Variants in MARCHF1 observed in about 807,000 individuals in gnomAD.
MARCHF1 encodes the protein E3 ubiquitin-protein ligase MARCHF1.
In MARCHF1, 40 loss-of-function variants were observed where a neutral mutation model predicts 54.2. The observed-to-expected ratio is 0.74, with a 90% confidence interval of 0.57 to 0.96. MARCHF1 has a LOEUF of 0.96. Among genes scored for constraint, MARCHF1 ranks in the 40% least tolerant of loss-of-function variants. The pLI, the probability that MARCHF1 is intolerant of heterozygous loss-of-function variation, is 0.00. For synonymous variants in MARCHF1, 236 were observed against 236.3 expected (o/e 1.00, Z 0.01); for missense variants, 586 against 656.5 (o/e 0.89, Z 1.17).
intron 1 of MARCHF1, among the ~76,000 whole-genome samples, chr4:164,276,238 G>A (rs1733877207): frequency 6.6e-6 from 1 of 152,054 alleles, no homozygotes; most frequent in South Asian, 2.1e-4. Flanking sequence ...CCTCTCAGTG[G>A]CATTTAATGA....
intron 4 of MARCHF1, among the ~76,000 whole-genome samples, chr4:163,721,662 A>T (rs982942737): frequency 4.6e-5 from 7 of 151,910 alleles, no homozygotes; most frequent in African/African-American, 1.7e-4. Flanking sequence ...CTGGTCCTGG[A>T]CTTTCTTTGT....
At chr4:163,872,905 G>A (rs1256961997) in intron 3 of MARCHF1, among the ~76,000 whole-genome samples, 5 of 152,000 alleles carry the variant, frequency 3.3e-5, no homozygotes, top group African/African-American at 1.2e-4. Flanking sequence ...TTAGCCGGGC[G>A]TGGTGGCGGG....
At chr4:163,767,452 G>A (rs998038991) in intron 4 of MARCHF1, among the ~76,000 whole-genome samples, 1 of 151,780 alleles carries the variant, frequency 6.6e-6, no homozygotes, top group African/African-American at 2.4e-5. Flanking sequence ...TCCTGCCTCA[G>A]CCTCCCGAGT....
intron 2 of MARCHF1, among the ~76,000 whole-genome samples, chr4:164,109,536 TA>T (rs964256366): frequency 3.3e-5 from 5 of 151,926 alleles, no homozygotes; most frequent in Admixed American, 2.0e-4. Context: ...TCTATTTCCT[TA>T]ATTTTTTTTC....
chr4:164,281,735 T>C (rs1734031418), intron 1 of MARCHF1, among the ~76,000 whole-genome samples: 2 of 152,126 alleles, frequency 1.3e-5, no homozygotes, highest in African/African-American at 4.8e-5. Flanking sequence ...CAGGGTAATA[T>C]GAAGCAGTTG....
At chr4:164,282,245 C>T (rs1277492326) in intron 1 of MARCHF1, among the ~76,000 whole-genome samples, 5 of 150,872 alleles carry the variant, frequency 3.3e-5, no homozygotes, top group Non-Finnish European at 5.9e-5. Flanking sequence ...GCCCTATCAT[C>T]TCCAACACTC....
chr4:163,904,801 G>T (rs7435506), intron 3 of MARCHF1, among the ~76,000 whole-genome samples: 26 of 151,730 alleles, frequency 1.7e-4, no homozygotes, highest in African/African-American at 6.3e-4. Flanking sequence ...AAGAGAGAGA[G>T]AGAGAGACAG....
intron 5 of MARCHF1, among the ~76,000 whole-genome samples, chr4:163,670,029 A>G (rs986710470): frequency 6.6e-6 from 1 of 152,188 alleles, no homozygotes; most frequent in Non-Finnish European, 1.5e-5. Flanking sequence ...ATCATGATCC[A>G]AATTACTTAG....
At chr4:163,880,452 A>C (rs1296705159) in intron 3 of MARCHF1, among the ~76,000 whole-genome samples, 1 of 151,030 alleles carries the variant, frequency 6.6e-6, no homozygotes, top group Non-Finnish European at 1.5e-5. Flanking sequence ...TTTTATGTTT[A>C]CTTTAGGAGT....
chr4:164,344,923 C>A (rs1047746849), intron 1 of MARCHF1, among the ~76,000 whole-genome samples: 1 of 152,164 alleles, frequency 6.6e-6, no homozygotes, highest in Non-Finnish European at 1.5e-5. Context: ...AAAATCAATT[C>A]ATTCATAGGC....
At chr4:163,638,987 CCA>C (rs1742453767) in intron 5 of MARCHF1, among the ~76,000 whole-genome samples, 2 of 151,914 alleles carry the variant, frequency 1.3e-5, no homozygotes, top group African/African-American at 4.8e-5. Flanking sequence ...CCTAGAGTCA[CCA>C]AATTTATATA....
intron 1 of MARCHF1, among the ~76,000 whole-genome samples, chr4:164,242,098 T>C (rs372132712): frequency 1.3e-5 from 2 of 151,858 alleles, no homozygotes; most frequent in African/African-American, 4.8e-5. Context: ...CAAAGCAGCC[T>C]GGAAGCTCGA....
intron 1 of MARCHF1, among the ~76,000 whole-genome samples, chr4:164,214,511 A>G (rs1022541734): frequency 2.0e-5 from 3 of 152,146 alleles, no homozygotes; most frequent in Admixed American, 2.0e-4. Context: ...ACATGATAAT[A>G]TATTATTAGG....
At chr4:164,076,704 C>A (rs1363604377) in intron 2 of MARCHF1, among the ~76,000 whole-genome samples, 2 of 152,204 alleles carry the variant, frequency 1.3e-5, no homozygotes, top group East Asian at 3.8e-4. Flanking sequence ...GATACAAAAT[C>A]AATGTGCAAA....
At chr4:164,335,569 G>A (rs7435030) in intron 1 of MARCHF1, among the ~76,000 whole-genome samples, 60,910 of 146,944 alleles carry the variant, frequency 0.41, 13,246 homozygotes, top group Non-Finnish European at 0.49. Flanking sequence ...GCAACAAAGC[G>A]AGACTCCATC....
At chr4:164,027,803 A>T (rs1263115510) in intron 2 of MARCHF1, among the ~76,000 whole-genome samples, 1 of 152,178 alleles carries the variant, frequency 6.6e-6, no homozygotes, top group Non-Finnish European at 1.5e-5. Flanking sequence ...TAAACAGGCA[A>T]CCTACAGAAT....
chr4:163,943,602 G>C (rs1460813609), intron 3 of MARCHF1, among the ~76,000 whole-genome samples: 1 of 152,010 alleles, frequency 6.6e-6, no homozygotes, highest in African/African-American at 2.4e-5. Context: ...GTGGAAGTTG[G>C]GAGGAGGGAG....
chr4:163,833,935 T>C (rs150785287), intron 4 of MARCHF1, among the ~76,000 whole-genome samples: 22 of 152,184 alleles, frequency 1.4e-4, no homozygotes, highest in Non-Finnish European at 2.5e-4. Context: ...CATCAGTCCA[T>C]GTCTACAAAT....
chr4:164,118,446 TATAA>T (rs1321669248), intron 1 of MARCHF1, among the ~76,000 whole-genome samples: 1 of 150,618 alleles, frequency 6.6e-6, no homozygotes, highest in Non-Finnish European at 1.5e-5. Context: ...TGTATAAACA[TATAA>T]ATAAACTGCA....
Sources: allele counts gnomAD v4.1 joint callset (sites outside exome capture counted in the v4.1 genomes callset), GRCh38; gene constraint gnomAD v4.1.1; transcripts MANE v1.5; gene names NCBI Gene and HGNC (gene_info 2026-07-23, HGNC 2026-07-21).